The following FAM221A variants were observed in gnomAD, a reference collection of about 807,000 sequenced individuals.
FAM221A encodes the protein protein FAM221A.
In FAM221A, 43 loss-of-function variants were observed where a neutral mutation model predicts 37.6. That is an observed-to-expected ratio of 1.15 (90% confidence interval 0.90 to 1.48). The LOEUF is 1.48. Ranked by LOEUF, FAM221A falls within the 40% of genes most tolerant of loss-of-function variation. The probability of loss-of-function intolerance (pLI) is 0.00; values close to 1 mark genes in which losing one functional copy is unlikely to be tolerated. For missense variants in FAM221A, 361 were observed against 361.5 expected (o/e 1.00, Z 0.01); for synonymous variants, 135 against 132.9 (o/e 1.02, Z -0.11).
At chr7:23,701,979 T>C in intron 6 of FAM221A, 117 bp from the exon 7 acceptor site, 3 of 509,764 alleles carry the variant, frequency 5.9e-6, no homozygotes, top group Non-Finnish European at 1.0e-5. Context: ...CTTTAGTATT[T>C]AGCAGCTTAA....
At chr7:23,687,255 G>T (rs1168744312) in intron 2 of FAM221A, 1 of 152,250 alleles carries the variant, frequency 6.6e-6, no homozygotes, top group Non-Finnish European at 1.5e-5. Flanking sequence ...AGCTGTGAGG[G>T]AGCCTTGGGG....
intron 2 of FAM221A, among the ~76,000 whole-genome samples, chr7:23,685,635 AGG>A (rs1784326672): frequency 6.6e-6 from 1 of 152,244 alleles, no homozygotes; most frequent in African/African-American, 2.4e-5. Context: ...TTATACCTTA[AGG>A]ATCTGCTGTG....
chr7:23,689,813 A>G (rs1287922054), intron 3 of FAM221A, among the ~76,000 whole-genome samples: 1 of 152,164 alleles, frequency 6.6e-6, no homozygotes, highest in East Asian at 1.9e-4. Flanking sequence ...CTATTCATAG[A>G]TTTTAAAAAA....
rs11971821 is a variant in FAM221A at position 23,697,174 on chromosome 7, G to A, written c.638-1018G>A. 3.5e-3 allele frequency among the ~76,000 whole-genome samples: 536 copies of A among 152,286 alleles called. 5 individuals carry two copies. Among genetic ancestry groups the A allele is most frequent in the African/African-American group, 0.012 (516 of 41,540 alleles). On this transcript the variant is annotated intron_variant, in intron 4 of 6. Transcript: ENST00000344962. ...GCCAGAGGGCAGCACAAGGACGTGC[G>A]TGGGCCAGAGCCCCTTCTCCCATGT...
chr7:23,690,199 A>ATATTTTTTTTTTTTT (rs774313037), intron 3 of FAM221A, among the ~76,000 whole-genome samples: 1 of 48,740 alleles, frequency 2.1e-5, no homozygotes, highest in African/African-American at 8.5e-5. Context: ...ATATATATAT[A>ATATTTTTTTTTTTTT]TTTTTTTTTT....
chr7:23,686,072 AT>A (rs1784348038), intron 2 of FAM221A, among the ~76,000 whole-genome samples: 1 of 152,208 alleles, frequency 6.6e-6, no homozygotes, highest in Non-Finnish European at 1.5e-5. Flanking sequence ...TTATAAATTT[AT>A]TTAGCAACTC....
chr7:23,686,214 C>T (rs906002510), intron 2 of FAM221A: 3 of 338,548 alleles, frequency 8.9e-6, no homozygotes, highest in African/African-American at 6.9e-5. Context: ...ACTTTCTAAT[C>T]TCTGTATAAC....
chr7:23,695,446 C>T (rs7783624), intron 4 of FAM221A, among the ~76,000 whole-genome samples: 13 of 152,214 alleles, frequency 8.5e-5, no homozygotes, highest in African/African-American at 2.4e-4. Flanking sequence ...TGCCTTGGCT[C>T]ACTGCAATCT....
At chr7:23,680,388 G>T (rs1783958517) in intron 1 of FAM221A, 105 bp downstream of exon 1, 2 of 857,600 alleles carry the variant, frequency 2.3e-6, no homozygotes, top group Middle Eastern at 3.5e-4. Flanking sequence ...GGGGTTCCCG[G>T]AATCTGTGCC....
chr7:23,691,378 ATCTTGATTCAGGT>A lies in FAM221A; in HGVS notation c.431-9_434del. On this transcript the variant is annotated splice_acceptor_variant and splice_polypyrimidine_tract_variant and coding_sequence_variant and intron_variant, in exon 4 of 7. Transcript: ENST00000344962. LOFTEE classifies it high-confidence loss of function. ...CCTTTAAGAATTTAACTCCCTTTAC[ATCTTGATTCAGGT>A]TCCAAGTGTTCAGGATTCCATAGCT... 1 of 1,613,746 alleles carries A rather than the reference ATCTTGATTCAGGT, an allele frequency of 6.2e-7. No individual in the cohort carries two copies.
chr7:23,685,561 C>T (rs961812210), intron 2 of FAM221A, among the ~76,000 whole-genome samples: 7 of 152,136 alleles, frequency 4.6e-5, no homozygotes, highest in Admixed American at 1.3e-4. Flanking sequence ...TTGAATTGAC[C>T]CACACTGATC....
At position 23,689,464 on chromosome 7, in the gene FAM221A, G is replaced by A. The variant is rs1384924370; in HGVS notation, c.430+5G>A. On this transcript the variant is annotated splice_donor_5th_base_variant and intron_variant, in intron 3 of 6. Transcript: ENST00000344962. ...CTGGCTTTACATGCAATACATGTGAGTTATATTATTATAAACACATAAACT... is the reference window on the plus strand; with the variant it reads ...CTGGCTTTACATGCAATACATGTGAATTATATTATTATAAACACATAAACT... 1.3e-6 allele frequency: 2 copies of A among 1,537,866 alleles called. No individual in the cohort carries two copies. Among genetic ancestry groups the A allele is most frequent in the Non-Finnish European group, 1.8e-6 (2 of 1,125,560 alleles).
At chr7:23,695,482 C>T (rs557928435) in intron 4 of FAM221A, among the ~76,000 whole-genome samples, 255 of 152,166 alleles carry the variant, frequency 1.7e-3, no homozygotes, top group Middle Eastern at 6.8e-3. Context: ...AAGTGATTCT[C>T]CTGCCTCAGC....
chr7:23,696,702 C>T (rs1466652415), intron 4 of FAM221A, among the ~76,000 whole-genome samples: 1 of 152,156 alleles, frequency 6.6e-6, no homozygotes, highest in Non-Finnish European at 1.5e-5. Context: ...AAGCCTCTTC[C>T]TTTTGGTCAA....
chr7:23,689,383 T>C lies in FAM221A; in HGVS notation c.354T>C (p.Gly118=). The change falls in exon 3 of 7, where the codon GGT becomes GGC. Residue 118 remains glycine, a synonymous_variant. Transcript: ENST00000344962. ...CRAYLYVPLN[G]SQPIRCRCKH... Reference sequence around the variant, plus strand: ...CTTACCTTTATGTCCCCTTGAATGGTAGCCAGCCCATTCGCTGCAGGTGCA... The same window carrying C: ...CTTACCTTTATGTCCCCTTGAATGGCAGCCAGCCCATTCGCTGCAGGTGCA... 1 of 1,607,960 alleles carries C rather than the reference T, an allele frequency of 6.2e-7. No individual in the cohort carries two copies. Among genetic ancestry groups the C allele is most frequent in the Non-Finnish European group, 8.5e-7 (1 of 1,175,388 alleles).
chr7:23,692,962 C>T (rs573287358), intron 4 of FAM221A: 1 of 156,404 alleles, frequency 6.4e-6, no homozygotes, highest in African/African-American at 2.4e-5. Flanking sequence ...ATCACCATAC[C>T]TGGCTTTACT....
chr7:23,691,336 G>C, intron 3 of FAM221A, 54 bp from the exon 4 acceptor site: 4 of 1,564,172 alleles, frequency 2.6e-6, no homozygotes, highest in Non-Finnish European at 3.5e-6. Context: ...AGTGTCTTTA[G>C]GGTAGACAAC....
At chr7:23,698,760 A>G (rs1785218066) in intron 5 of FAM221A, among the ~76,000 whole-genome samples, 1 of 152,222 alleles carries the variant, frequency 6.6e-6, no homozygotes, top group Admixed American at 6.5e-5. Flanking sequence ...ATGAATTTGT[A>G]TGACTTATTA....
At chr7:23,685,092 A>T (rs1784288555) in intron 2 of FAM221A, among the ~76,000 whole-genome samples, 1 of 152,190 alleles carries the variant, frequency 6.6e-6, no homozygotes, top group African/African-American at 2.4e-5. Flanking sequence ...TACTAAAAAT[A>T]CAAAAAATTA....
Sources: gnomAD v4.1 joint callset for allele counts (sites outside exome capture counted in the v4.1 genomes callset) on GRCh38, gnomAD v4.1.1 for gene constraint, MANE v1.5 for transcripts, NCBI Gene and HGNC (gene_info 2026-07-23, HGNC 2026-07-21) for gene names.